FBXW7: variants seen among roughly 807,000 people sequenced by gnomAD.
FBXW7 encodes F-box and WD repeat domain containing 7.
A neutral mutation model predicts 86.3 loss-of-function variants in FBXW7; 11 were observed. The ratio of observed to expected loss-of-function variants is 0.13; its 90% CI spans 0.08 to 0.21. FBXW7 has a LOEUF of 0.21. Among genes scored for constraint, FBXW7 ranks in the 10% least tolerant of loss-of-function variants. The pLI, the probability that FBXW7 is intolerant of heterozygous loss-of-function variation, is 1.00. For synonymous variants in FBXW7, 313 were observed against 297.9 expected, an observed-to-expected ratio of 1.05 and a Z score of -0.52; for missense variants, 488 against 847.4, an observed-to-expected ratio of 0.58 and a Z score of 5.27.
At chr4:152,526,862 A>C (rs780570128) in intron 2 of FBXW7, among the ~76,000 whole-genome samples, 1 of 152,372 alleles carries the variant, frequency 6.6e-6, no homozygotes, top group Non-Finnish European at 1.5e-5. Flanking sequence ...CTATTAAAAA[A>C]AAGCCCAACA....
At chr4:152,410,422 A>G (rs1280421895) in intron 4 of FBXW7, among the ~76,000 whole-genome samples, 1 of 152,184 alleles carries the variant, frequency 6.6e-6, no homozygotes, top group African/African-American at 2.4e-5. Context: ...GGGATGGTAC[A>G]ATGGATGAAA....
At chr4:152,516,919 G>A (rs190064944) in intron 2 of FBXW7, among the ~76,000 whole-genome samples, 2 of 152,200 alleles carry the variant, frequency 1.3e-5, no homozygotes, top group Non-Finnish European at 2.9e-5. Flanking sequence ...TCGACCTCCT[G>A]GGTTCAAGCA....
chr4:152,526,117 G>A (rs146883514), intron 2 of FBXW7, among the ~76,000 whole-genome samples: 13 of 152,110 alleles, frequency 8.5e-5, no homozygotes, highest in Admixed American at 5.2e-4. Context: ...GTCTATTCAC[G>A]TCCTTTGTCC....
At chr4:152,433,030 T>G (rs1740055391) in intron 2 of FBXW7, among the ~76,000 whole-genome samples, 1 of 152,220 alleles carries the variant, frequency 6.6e-6, no homozygotes, top group African/African-American at 2.4e-5. Context: ...GCATACTGTT[T>G]TTGATATTCG....
chr4:152,423,256 G>C (rs1378170469), intron 2 of FBXW7, among the ~76,000 whole-genome samples: 2 of 152,072 alleles, frequency 1.3e-5, no homozygotes, highest in Admixed American at 1.3e-4. Context: ...TAAAAGAAAT[G>C]ATTTCATGAA....
intron 4 of FBXW7, among the ~76,000 whole-genome samples, chr4:152,407,592 G>A (rs1737532728): frequency 6.6e-6 from 1 of 152,148 alleles, no homozygotes; most frequent in South Asian, 2.1e-4. Context: ...GGAGGTGGTT[G>A]GAGAATGGCG....
chr4:152,470,738 C>G (rs532212946), intron 2 of FBXW7, among the ~76,000 whole-genome samples: 4 of 152,186 alleles, frequency 2.6e-5, no homozygotes, highest in African/African-American at 7.2e-5. Flanking sequence ...TTATGAAGCT[C>G]TTCTTGTCTG....
At chr4:152,389,669 T>C (rs1735835553) in intron 4 of FBXW7, among the ~76,000 whole-genome samples, 1 of 151,988 alleles carries the variant, frequency 6.6e-6, no homozygotes, top group Non-Finnish European at 1.5e-5. Flanking sequence ...ATGTATACTA[T>C]TTGGGTGACA....
At chr4:152,341,834 T>G (rs1329704930) in intron 6 of FBXW7, among the ~76,000 whole-genome samples, 1 of 152,168 alleles carries the variant, frequency 6.6e-6, no homozygotes, top group African/African-American at 2.4e-5. Flanking sequence ...CGCGCATGCA[T>G]GTGTACATGA....
intron 4 of FBXW7, among the ~76,000 whole-genome samples, chr4:152,360,501 C>T (rs368887969): frequency 3.9e-5 from 6 of 152,098 alleles, no homozygotes; most frequent in African/African-American, 1.4e-4. Context: ...ACTGAAAGAA[C>T]CTGTCCTATT....
At chr4:152,426,973 C>T (rs1390329705) in intron 2 of FBXW7, among the ~76,000 whole-genome samples, 1 of 152,148 alleles carries the variant, frequency 6.6e-6, no homozygotes, top group Admixed American at 6.5e-5. Flanking sequence ...TTAGAAAAAA[C>T]ATTTACATTA....
chr4:152,526,671 T>C (rs1263675961), intron 2 of FBXW7, among the ~76,000 whole-genome samples: 1 of 152,216 alleles, frequency 6.6e-6, no homozygotes, highest in Non-Finnish European at 1.5e-5. Context: ...GTTAAAGAGA[T>C]GGGCAACTAA....
intron 2 of FBXW7, among the ~76,000 whole-genome samples, chr4:152,454,358 TGTACCCCA>T (rs1453801577): frequency 6.6e-6 from 1 of 150,904 alleles, no homozygotes. Flanking sequence ...TCACTTACCT[TGTACCCCA>T]GTCTCCAATA....
chr4:152,406,353 C>G (rs1363785696), intron 4 of FBXW7, among the ~76,000 whole-genome samples: 4 of 152,020 alleles, frequency 2.6e-5, no homozygotes, highest in African/African-American at 9.7e-5. Flanking sequence ...CCCAGCTACA[C>G]AGGAGGATCT....
chr4:152,376,682 G>T (rs1017722772), intron 4 of FBXW7, among the ~76,000 whole-genome samples: 1 of 152,068 alleles, frequency 6.6e-6, no homozygotes. Flanking sequence ...GAGGTCCTAT[G>T]AGAGGTGCTG....
At chr4:152,345,778 T>C (rs1346561677) in intron 6 of FBXW7, among the ~76,000 whole-genome samples, 1 of 152,002 alleles carries the variant, frequency 6.6e-6, no homozygotes, top group Non-Finnish European at 1.5e-5. Context: ...AAGAAAAAAA[T>C]AGACACATTT....
At chr4:152,454,651 A>T (rs912185818) in intron 2 of FBXW7, among the ~76,000 whole-genome samples, 23 of 151,232 alleles carry the variant, frequency 1.5e-4, no homozygotes, top group African/African-American at 2.4e-4. Flanking sequence ...AGCCCTTTTT[A>T]AAAAAAACTA....
intron 4 of FBXW7, among the ~76,000 whole-genome samples, chr4:152,391,997 T>C (rs1200075082): frequency 6.6e-6 from 1 of 152,140 alleles, no homozygotes; most frequent in Non-Finnish European, 1.5e-5. Context: ...ATAACTGAAA[T>C]AAAGTATTGT....
intron 5 of FBXW7, chr4:152,348,717 TA>T (rs1344924986): frequency 2.6e-6 from 3 of 1,173,056 alleles, no homozygotes; most frequent in Admixed American, 2.5e-5. Context: ...CTGATACATT[TA>T]AAAAATAGCA....
Sources: gnomAD v4.1 joint callset for allele counts (sites outside exome capture counted in the v4.1 genomes callset) on GRCh38, gnomAD v4.1.1 for gene constraint, MANE v1.5 for transcripts, NCBI Gene and HGNC (gene_info 2026-07-23, HGNC 2026-07-21) for gene names.